The following HDAC9 variants were observed in gnomAD, a reference collection of about 807,000 sequenced individuals.
HDAC9 encodes the protein histone deacetylase 9.
A neutral mutation model predicts 139.4 loss-of-function variants in HDAC9; 41 were observed. The observed-to-expected ratio is 0.29, with a 90% CI of 0.23 to 0.38. The LOEUF is 0.38. HDAC9 is among the 10% of genes least tolerant of loss of function. The probability of loss-of-function intolerance (pLI) is 1.00; values close to 1 mark genes in which losing one functional copy is unlikely to be tolerated. For missense variants in HDAC9, 1,147 were observed against 1,297.0 expected, an observed-to-expected ratio of 0.88 and a Z score of 1.78; for synonymous variants, 517 against 476.2, an observed-to-expected ratio of 1.09 and a Z score of -1.12.
Position 18,179,316 on chromosome 7 carries a change from C to G in HDAC9, c.25+16967C>G, listed in dbSNP as rs116890927. ...ATAACCCATTAGTTGATTGCAAACT[C>G]TCTGAATCCATAGGGACTTGCCCCA... On this transcript the variant is annotated intron_variant, in intron 2 of 12. Transcript: ENST00000417496. Among the ~76,000 whole-genome samples the G allele has an allele frequency of 7.4e-3, 1,128 of 152,332 alleles. 6 individuals carry two copies. Among genetic ancestry groups the G allele is most frequent in the Non-Finnish European group, 0.011 (760 of 68,038 alleles).
intron 2 of HDAC9, among the ~76,000 whole-genome samples, chr7:18,226,937 A>G (rs1441260340): frequency 6.6e-6 from 1 of 152,216 alleles, no homozygotes; most frequent in Non-Finnish European, 1.5e-5. Context: ...TTGAGGGGAC[A>G]ATCATTCTAA....
At chr7:18,749,484 C>T (rs921075551) in intron 14 of HDAC9, among the ~76,000 whole-genome samples, 1 of 152,172 alleles carries the variant, frequency 6.6e-6, no homozygotes, top group African/African-American at 2.4e-5. Context: ...TGGTTATAAA[C>T]TAAACTTTGG....
rs78006730 is a variant in HDAC9, at chr7:18,608,814, C to T, written c.664+14785C>T. On this transcript the variant is annotated intron_variant, in intron 6 of 25. Coordinates refer to ENST00000686413, the MANE Select transcript of HDAC9 (RefSeq NM_178425.4). Reference sequence around the variant, plus strand: ...TTTCTGACATTAAGGAGCTCACAGTCTTCATAGTGAGGCACATGTAATAGG... The same window carrying T: ...TTTCTGACATTAAGGAGCTCACAGTTTTCATAGTGAGGCACATGTAATAGG... Among the ~76,000 whole-genome samples, 546 of 152,264 alleles carry T rather than the reference C, an allele frequency of 3.6e-3. 3 individuals carry two copies. The highest frequency in any genetic ancestry group is 0.012 in the African/African-American group (516 of 41,550).
At chr7:18,678,217 A>C (rs995734036) in intron 12 of HDAC9, among the ~76,000 whole-genome samples, 4 of 151,926 alleles carry the variant, frequency 2.6e-5, no homozygotes, top group African/African-American at 9.6e-5. Context: ...AACTCTTAAC[A>C]TTAAGTAGTT....
intron 13 of HDAC9, among the ~76,000 whole-genome samples, chr7:18,744,253 A>C (rs1379001452): frequency 6.6e-6 from 1 of 152,016 alleles, no homozygotes; most frequent in Non-Finnish European, 1.5e-5. Flanking sequence ...TGGCCTCCCA[A>C]AGTGCTGGGA....
At chr7:18,522,810 C>G (rs1035805596) in intron 2 of HDAC9, among the ~76,000 whole-genome samples, 2 of 152,070 alleles carry the variant, frequency 1.3e-5, no homozygotes, top group Non-Finnish European at 2.9e-5. Context: ...ATTTGTTTCT[C>G]CCAGGAATCC....
chr7:18,280,397 G>A (rs941288643), intron 2 of HDAC9, among the ~76,000 whole-genome samples: 4 of 152,124 alleles, frequency 2.6e-5, no homozygotes, highest in African/African-American at 9.7e-5. Flanking sequence ...AGAACAGCCT[G>A]ACCAACATGG....
At chr7:18,881,890 C>A (rs1029406410) in intron 22 of HDAC9, among the ~76,000 whole-genome samples, 4 of 152,070 alleles carry the variant, frequency 2.6e-5, no homozygotes, top group African/African-American at 9.7e-5. Context: ...ACCTACCCAC[C>A]AGGTACCACT....
intron 2 of HDAC9, among the ~76,000 whole-genome samples, chr7:18,512,035 A>T (rs1801690833): frequency 1.3e-5 from 2 of 151,354 alleles, no homozygotes. Flanking sequence ...AAAAAAAAAA[A>T]ATCTTCTCAT....
intron 2 of HDAC9, among the ~76,000 whole-genome samples, chr7:18,267,115 T>C (rs750961105): frequency 4.6e-5 from 7 of 152,170 alleles, no homozygotes; most frequent in Non-Finnish European, 7.4e-5. Context: ...ATCAAGGTCA[T>C]ATCTAAAAGA....
At chr7:18,944,677 C>A (rs1296258669) in intron 23 of HDAC9, among the ~76,000 whole-genome samples, 5 of 152,124 alleles carry the variant, frequency 3.3e-5, no homozygotes, top group African/African-American at 1.2e-4. Flanking sequence ...TCAGCTCTAT[C>A]TCTATGAAAA....
chr7:18,642,549 G>C (rs1786008162), intron 8 of HDAC9, among the ~76,000 whole-genome samples: 1 of 152,082 alleles, frequency 6.6e-6, no homozygotes, highest in Admixed American at 6.6e-5. Flanking sequence ...TAGCTTGAGA[G>C]TGCCTGTGAA....
chr7:18,532,358 G>C (rs1809313866), intron 2 of HDAC9, among the ~76,000 whole-genome samples: 1 of 152,202 alleles, frequency 6.6e-6, no homozygotes, highest in African/African-American at 2.4e-5. Flanking sequence ...CCTACAGTAA[G>C]ATTATGAGCT....
rs143001955 is a variant in HDAC9, at chr7:18,505,947, A to G, written c.22+9623A>G. 51 of 152,280 alleles carry G rather than the reference A, an allele frequency of 3.3e-4. No homozygotes were observed. In the East Asian group the frequency reaches 8.7e-3, roughly 26 times the overall value. 9.4% of individuals were successfully genotyped at this position (152,280 alleles called of 1,614,324 possible). On this transcript the variant is annotated intron_variant, in intron 2 of 25. Coordinates refer to ENST00000686413, the MANE Select transcript of HDAC9 (RefSeq NM_178425.4). ...AGTTATTCTTAGCCTCGGTATTTCT[A>G]TCTTATGGCATCGCAGGTCTAAGAT...
chr7:18,760,789 C>T (rs916037327), intron 14 of HDAC9, among the ~76,000 whole-genome samples: 3 of 152,226 alleles, frequency 2.0e-5, no homozygotes, highest in Middle Eastern at 3.2e-3. Flanking sequence ...AAGCACAGCT[C>T]GGCCTCCGGC....
At chr7:18,608,501 T>C (rs1836168425) in intron 6 of HDAC9, among the ~76,000 whole-genome samples, 1 of 152,178 alleles carries the variant, frequency 6.6e-6, no homozygotes. Context: ...TTCCCACTTA[T>C]TCATATACAA....
chr7:18,766,588 A>T (rs2129160607), intron 15 of HDAC9, among the ~76,000 whole-genome samples: 1 of 152,328 alleles, frequency 6.6e-6, no homozygotes, highest in South Asian at 2.1e-4. Flanking sequence ...ATAGCTACTT[A>T]TAACCAGCTA....
chr7:18,463,042 A>C (rs1208517782), intron 1 of HDAC9, among the ~76,000 whole-genome samples: 1 of 151,910 alleles, frequency 6.6e-6, no homozygotes, highest in Non-Finnish European at 1.5e-5. Flanking sequence ...CAGTTTTGTA[A>C]TTTTAGCTAT....
rs761791570 is a variant in HDAC9 at position 18,262,713 on chromosome 7, A to G, written c.25+100364A>G. Among the ~76,000 whole-genome samples the G allele has an allele frequency of 2.6e-4, 40 of 152,246 alleles. 1 individual carries two copies. Among genetic ancestry groups the G allele is most frequent in the Non-Finnish European group, 8.8e-5 (6 of 68,024 alleles). On this transcript the variant is annotated intron_variant, in intron 2 of 12. Transcript: ENST00000417496. ...GTATTCAGAAGTAATTTGTGTAACA[A>G]TAACACAAAGAAGAGGGTAGAGAAC...
Sources: allele counts gnomAD v4.1 joint callset (sites outside exome capture counted in the v4.1 genomes callset), GRCh38; gene constraint gnomAD v4.1.1; transcripts MANE v1.5; gene names NCBI Gene and HGNC (gene_info 2026-07-23, HGNC 2026-07-21).